OSBPL10: variants seen among roughly 807,000 people sequenced by gnomAD.
OSBPL10 encodes oxysterol-binding protein-related protein 10.
In OSBPL10, 49 loss-of-function variants were observed where a neutral mutation model predicts 81.7. The observed-to-expected ratio is 0.60, with a 90% confidence interval of 0.48 to 0.76. The LOEUF is 0.76. Ranked by LOEUF, OSBPL10 falls within the 30% of genes least tolerant of loss-of-function variation. OSBPL10 has a pLI of 0.00. For missense variants in OSBPL10, 923 were observed against 987.8 expected, an observed-to-expected ratio of 0.93 and a Z score of 0.88; for synonymous variants, 419 against 383.6, an observed-to-expected ratio of 1.09 and a Z score of -1.08.
intron 4 of OSBPL10, among the ~76,000 whole-genome samples, chr3:31,766,340 TTTTTTTG>T (rs1295027422): frequency 1.6e-4 from 18 of 112,632 alleles, no homozygotes; most frequent in African/African-American, 7.8e-4. Context: ...TTTTTTTGTT[TTTTTTTG>T]TTTTTTTTTT....
chr3:31,678,781 A>AGTGTGTGTGTGTGTGTGTGTGT (rs1559411581), intron 8 of OSBPL10, among the ~76,000 whole-genome samples: 1 of 99,212 alleles, frequency 1.0e-5, no homozygotes, highest in African/African-American at 4.2e-5. Context: ...ACAGATTCAA[A>AGTGTGTGTGTGTGTGTGTGTGT]CTGTGTGTGT....
chr3:32,035,771 G>A (rs147045259), intron 2 of OSBPL10, among the ~76,000 whole-genome samples: 186 of 152,246 alleles, frequency 1.2e-3, no homozygotes, highest in Admixed American at 2.4e-3. Flanking sequence ...CAAATTTATA[G>A]AGACAGATAA....
intron 4 of OSBPL10, among the ~76,000 whole-genome samples, chr3:31,798,983 TG>T (rs1699306802): frequency 6.6e-6 from 1 of 152,174 alleles, no homozygotes; most frequent in Non-Finnish European, 1.5e-5. Flanking sequence ...TGACAGGCGG[TG>T]GAGCTCAGGC....
Position 31,748,589 on chromosome 3 carries a change from T to C in OSBPL10, c.730-469A>G, listed in dbSNP as rs72859627. 7.9e-3 allele frequency among the ~76,000 whole-genome samples: 1,198 copies of C among 151,202 alleles called. 10 individuals carry two copies. Among genetic ancestry groups the C allele is most frequent in the African/African-American group, 0.027 (1,132 of 41,190 alleles). The stretch of plus-strand genomic sequence containing the variant: ...TTGGAAGGGAAATCTGGGGCTGGTG[T>C]TTGTACAAAGGAGATTACAAAGAAA... On this transcript the variant is annotated intron_variant, in intron 4 of 11. Coordinates refer to ENST00000396556, the MANE Select transcript of OSBPL10 (RefSeq NM_017784.5).
chr3:31,983,452 T>G (rs1698889121), upstream of OSBPL10, among the ~76,000 whole-genome samples: 1 of 152,124 alleles, frequency 6.6e-6, no homozygotes, highest in Non-Finnish European at 1.5e-5. Context: ...GACTAAAAAA[T>G]TAGACCCTTG....
rs547803933 is a variant in OSBPL10 at position 31,715,353 on chromosome 3, C to A, written c.1096-12845G>T. On this transcript the variant is annotated intron_variant, in intron 6 of 11. Coordinates refer to ENST00000396556, the MANE Select transcript of OSBPL10 (RefSeq NM_017784.5). The stretch of plus-strand genomic sequence containing the variant: ...GGTGCTCTAACTTTTGATGGCCTCC[C>A]AATCAATTTCTACTCCTTCCACCAA... Among the ~76,000 whole-genome samples, 4 of 152,270 alleles carry A rather than the reference C, an allele frequency of 2.6e-5. No homozygotes were observed. In the East Asian group the frequency reaches 7.7e-4, roughly 29 times the overall value.
At chr3:31,989,252 G>A (rs564390212) in intron 2 of OSBPL10, 2 of 1,614,178 alleles carry the variant, frequency 1.2e-6, no homozygotes, top group South Asian at 1.1e-5. Context: ...GAGAACTACA[G>A]GAACCTGCAT....
chr3:31,826,357 G>A (rs562395192), intron 4 of OSBPL10, among the ~76,000 whole-genome samples: 1 of 152,286 alleles, frequency 6.6e-6, no homozygotes, highest in African/African-American at 2.4e-5. Context: ...TCCTCCTGAT[G>A]ATATTGTCTC....
At chr3:31,870,284 A>G (rs1701286682) in intron 3 of OSBPL10, among the ~76,000 whole-genome samples, 1 of 152,322 alleles carries the variant, frequency 6.6e-6, no homozygotes, top group East Asian at 1.9e-4. Context: ...CGGAGGGTGT[A>G]CTGGGTCCCC....
intron 9 of OSBPL10, among the ~76,000 whole-genome samples, 191 bp downstream of exon 9, chr3:31,670,606 G>A (rs1700299112): frequency 6.6e-6 from 1 of 152,162 alleles, no homozygotes; most frequent in Non-Finnish European, 1.5e-5. Context: ...TTAACCTTAA[G>A]TTTAGGGTGG....
chr3:31,740,081 T>C (rs1423686583), intron 5 of OSBPL10, among the ~76,000 whole-genome samples: 1 of 151,144 alleles, frequency 6.6e-6, no homozygotes, highest in Non-Finnish European at 1.5e-5. Flanking sequence ...TCTTGCTTTG[T>C]TGCACAGGCT....
chr3:31,843,957 T>A (rs182934264), intron 3 of OSBPL10, among the ~76,000 whole-genome samples: 27 of 152,298 alleles, frequency 1.8e-4, no homozygotes, highest in African/African-American at 5.5e-4. Flanking sequence ...AGAGGGCAGA[T>A]GAGGCAAGGG....
chr3:31,917,130 C>T (rs1029342258), intron 1 of OSBPL10, among the ~76,000 whole-genome samples: 5 of 152,090 alleles, frequency 3.3e-5, no homozygotes, highest in Admixed American at 3.3e-4. Context: ...AAGACAAAGT[C>T]GGTGTCACAG....
At chr3:31,876,969 A>G (rs1213028217) in intron 2 of OSBPL10, among the ~76,000 whole-genome samples, 3 of 148,920 alleles carry the variant, frequency 2.0e-5, no homozygotes, top group African/African-American at 5.0e-5. Flanking sequence ...AGTGGCGCCA[A>G]CTCAGCTCAC....
rs146120829 is a variant in OSBPL10 at position 31,687,997 on chromosome 3, C to T, written c.1246-3883G>A. 4.5e-3 allele frequency among the ~76,000 whole-genome samples: 688 copies of T among 151,914 alleles called. 5 individuals are homozygous for T. The highest frequency in any genetic ancestry group is 0.015 in the African/African-American group (618 of 41,372). The stretch of plus-strand genomic sequence containing the variant: ...GGGACATGAGCCCCACCTTTTAGGG[C>T]CATTTCACTCTTCCCAACATAGCAA... On this transcript the variant is annotated intron_variant, in intron 7 of 11. Transcript: ENST00000396556.
At chr3:31,780,207 G>A (rs139499652) in intron 4 of OSBPL10, among the ~76,000 whole-genome samples, 2,759 of 152,084 alleles carry the variant, frequency 0.018, 74 homozygotes, top group African/African-American at 0.061. Context: ...GCAGGAGAAT[G>A]GCATGAACCC....
chr3:31,814,736 C>T (rs115838220), intron 4 of OSBPL10, among the ~76,000 whole-genome samples: 1 of 152,270 alleles, frequency 6.6e-6, no homozygotes, highest in African/African-American at 2.4e-5. Flanking sequence ...TGGTTTAAGC[C>T]ACCCAGCTGT....
At chr3:31,682,133 T>C (rs983794630) in intron 8 of OSBPL10, among the ~76,000 whole-genome samples, 3 of 152,194 alleles carry the variant, frequency 2.0e-5, no homozygotes, top group Non-Finnish European at 4.4e-5. Flanking sequence ...CCTCCACTAT[T>C]TTCCACCTGG....
intron 3 of OSBPL10, among the ~76,000 whole-genome samples, chr3:31,833,490 G>C (rs190420030): frequency 6.6e-6 from 1 of 152,134 alleles, no homozygotes; most frequent in African/African-American, 2.4e-5. Context: ...GACAAAGTTT[G>C]TTTCTTAATA....
Sources: gnomAD v4.1 joint callset for allele counts (sites outside exome capture counted in the v4.1 genomes callset) on GRCh38, gnomAD v4.1.1 for gene constraint, MANE v1.5 for transcripts, NCBI Gene and HGNC (gene_info 2026-07-23, HGNC 2026-07-21) for gene names.